NRG2: variants seen among roughly 807,000 people sequenced by gnomAD.
NRG2 encodes pro-neuregulin-2, membrane-bound isoform.
In NRG2, 27 loss-of-function variants were observed where a neutral mutation model predicts 73.9. The observed-to-expected ratio is 0.37, with a 90% CI of 0.27 to 0.50. The LOEUF (loss-of-function observed/expected upper bound fraction) is 0.50, where lower values mean the gene tolerates loss of function less well. Among genes scored for constraint, NRG2 ranks in the 20% least tolerant of loss-of-function variants. The pLI is 0.96. For missense variants in NRG2, 1,126 were observed against 1,210.1 expected (o/e 0.93, Z 1.03); for synonymous variants, 532 against 541.0 (o/e 0.98, Z 0.23).
intron 1 of NRG2, among the ~76,000 whole-genome samples, chr5:139,965,068 C>T (rs1755389749): frequency 6.6e-6 from 1 of 152,232 alleles, no homozygotes. Flanking sequence ...CAGCACTGCC[C>T]CAGGGCAAGA....
chr5:139,895,019 G>A lies in NRG2; in HGVS notation c.701-7508C>T, dbSNP rs893435002. Among the ~76,000 whole-genome samples, 3 of 152,352 alleles carry A rather than the reference G, an allele frequency of 2.0e-5. No individual in the cohort carries two copies. The South Asian group carries it at 6.2e-4, about 32-fold the overall frequency. On this transcript the variant is annotated intron_variant, in intron 1 of 9. Coordinates refer to ENST00000361474, the MANE Select transcript of NRG2 (RefSeq NM_004883.3). Reference sequence around the variant, plus strand: ...GGGCAGATAAAGAAGAAGGGGAAGGGAGGAGGAGGAGACAAAACTTGGCAG... The same window carrying A: ...GGGCAGATAAAGAAGAAGGGGAAGGAAGGAGGAGGAGACAAAACTTGGCAG...
At chr5:139,983,003 G>A (rs1470884190) in intron 1 of NRG2, among the ~76,000 whole-genome samples, 1 of 152,156 alleles carries the variant, frequency 6.6e-6, no homozygotes, top group Admixed American at 6.5e-5. Flanking sequence ...CTGATGTCTG[G>A]GGGATTAACC....
intron 1 of NRG2, among the ~76,000 whole-genome samples, chr5:140,005,878 C>T (rs1409625027): frequency 2.0e-5 from 3 of 152,180 alleles, no homozygotes; most frequent in African/African-American, 7.2e-5. Flanking sequence ...GATGCACTGG[C>T]ACTAGCAATA....
intron 4 of NRG2, among the ~76,000 whole-genome samples, chr5:139,867,696 A>G (rs1470312672): frequency 1.3e-5 from 2 of 151,886 alleles, no homozygotes; most frequent in Admixed American, 6.6e-5. Context: ...ACAAAGGAAC[A>G]AGAAAGAGAC....
At chr5:139,975,403 C>T (rs534629502) in intron 1 of NRG2, among the ~76,000 whole-genome samples, 2 of 152,314 alleles carry the variant, frequency 1.3e-5, no homozygotes, top group South Asian at 4.1e-4. Context: ...ACCTAGTCTG[C>T]CACCCTTACC....
intron 1 of NRG2, among the ~76,000 whole-genome samples, chr5:139,998,454 T>A (rs1561741016): frequency 6.6e-6 from 1 of 152,154 alleles, no homozygotes; most frequent in South Asian, 2.1e-4. Flanking sequence ...CTACTGGCAA[T>A]CAACCCCAGA....
intron 1 of NRG2, among the ~76,000 whole-genome samples, chr5:139,892,704 A>G (rs1764288826): frequency 6.6e-6 from 1 of 152,162 alleles, no homozygotes; most frequent in Admixed American, 6.5e-5. Flanking sequence ...CAAGCAGAGG[A>G]ACAGGCTTCC....
At chr5:139,891,871 A>G (rs1026633223) in intron 1 of NRG2, among the ~76,000 whole-genome samples, 1 of 152,248 alleles carries the variant, frequency 6.6e-6, no homozygotes, top group African/African-American at 2.4e-5. Context: ...TTTAAATTAC[A>G]TATGTGGATT....
intron 1 of NRG2, among the ~76,000 whole-genome samples, chr5:139,918,452 T>G (rs1751429289): frequency 6.6e-6 from 1 of 152,194 alleles, no homozygotes; most frequent in South Asian, 2.1e-4. Flanking sequence ...TGTGTACCCT[T>G]TTACAGCTTA....
At chr5:139,990,072 G>A (rs535832339) in intron 1 of NRG2, among the ~76,000 whole-genome samples, 1 of 151,984 alleles carries the variant, frequency 6.6e-6, no homozygotes, top group Non-Finnish European at 1.5e-5. Context: ...ACAGGCGTGA[G>A]CCACTGTGCC....
At chr5:139,893,072 C>A (rs1764322704) in intron 1 of NRG2, among the ~76,000 whole-genome samples, 1 of 152,168 alleles carries the variant, frequency 6.6e-6, no homozygotes, top group African/African-American at 2.4e-5. Flanking sequence ...AAAAGAAAAA[C>A]ACATTTAAAT....
rs777471054 is a variant in NRG2, at chr5:140,042,887, C to A, written c.183G>T (p.Ala61=). 10 of 1,519,090 alleles carry A rather than the reference C, an allele frequency of 6.6e-6. No homozygotes were observed. Among genetic ancestry groups the A allele is most frequent in the Middle Eastern group, 2.0e-4 (1 of 4,938 alleles). The allele number at this position is 1,519,090 out of a possible 1,614,324, so 94.1% of individuals were successfully genotyped here. A position where few individuals can be genotyped will look rare whatever the true frequency, so the allele number is the denominator to read the frequency against. ...SNNSSISRPA[A]PPEPRPQQQP... is the part of the protein sequence containing the mutation. Reference sequence around the variant, plus strand: ...GTTGCTGCGGCCGCGGCTCTGGGGGCGCAGCGGGACGAGAGATGCTGCTGT... The same window carrying A: ...GTTGCTGCGGCCGCGGCTCTGGGGGAGCAGCGGGACGAGAGATGCTGCTGT... The change falls in exon 1 of 10, where the codon GCG becomes GCT. Residue 61 remains alanine, a synonymous_variant. Transcript: ENST00000361474.
At chr5:139,946,767 C>A (rs1164547045) in intron 1 of NRG2, among the ~76,000 whole-genome samples, 3 of 152,038 alleles carry the variant, frequency 2.0e-5, no homozygotes, top group Non-Finnish European at 4.4e-5. Context: ...GCTTACAACT[C>A]AACAACAATA....
intron 1 of NRG2, among the ~76,000 whole-genome samples, chr5:140,031,449 T>C (rs72796752): frequency 0.081 from 12,348 of 152,270 alleles, 653 homozygotes; most frequent in Middle Eastern, 0.15. Flanking sequence ...CCGGATCCTG[T>C]AATGGTCTGA....
intron 1 of NRG2, among the ~76,000 whole-genome samples, chr5:140,017,426 C>T (rs190639807): frequency 1.3e-5 from 2 of 152,006 alleles, no homozygotes; most frequent in African/African-American, 2.4e-5. Flanking sequence ...AGTTGGAGAC[C>T]ATATTTTAAA....
At chr5:140,040,710 T>C (rs977089832) in intron 1 of NRG2, among the ~76,000 whole-genome samples, 31 of 152,196 alleles carry the variant, frequency 2.0e-4, no homozygotes, top group Non-Finnish European at 2.9e-5. Flanking sequence ...TTTTCCACTG[T>C]ACAATACTGT....
At chr5:139,917,419 T>G (rs979073678) in intron 1 of NRG2, among the ~76,000 whole-genome samples, 15 of 152,090 alleles carry the variant, frequency 9.9e-5, no homozygotes, top group Non-Finnish European at 1.3e-4. Context: ...GCCTGGCTAA[T>G]TTTTGTATTT....
chr5:139,902,790 A>C (rs1242261167), intron 1 of NRG2, among the ~76,000 whole-genome samples: 2 of 152,216 alleles, frequency 1.3e-5, no homozygotes, highest in Non-Finnish European at 2.9e-5. Flanking sequence ...GGCACCCTGC[A>C]TTCTTTCAGA....
chr5:139,912,348 G>C (rs1394500378), intron 1 of NRG2, among the ~76,000 whole-genome samples: 5 of 152,086 alleles, frequency 3.3e-5, no homozygotes, highest in Admixed American at 1.3e-4. Flanking sequence ...GCCCAGCCTA[G>C]CCCAACCCAG....
Sources: allele counts gnomAD v4.1 joint callset (sites outside exome capture counted in the v4.1 genomes callset), GRCh38; gene constraint gnomAD v4.1.1; transcripts MANE v1.5; gene names NCBI Gene and HGNC (gene_info 2026-07-23, HGNC 2026-07-21).